Variants in DIP2A observed in about 807,000 individuals in gnomAD.
The protein encoded by DIP2A is disco-interacting protein 2 homolog A.
A neutral mutation model predicts 177.4 loss-of-function variants in DIP2A; 85 were observed. The observed-to-expected ratio is 0.48, with a 90% CI of 0.40 to 0.57. The LOEUF is 0.57. DIP2A is among the 20% of genes least tolerant of loss of function. The pLI is 0.00. For missense variants in DIP2A, 1,791 were observed against 2,100.2 expected, an observed-to-expected ratio of 0.85 and a Z score of 2.88; for synonymous variants, 886 against 881.8, an observed-to-expected ratio of 1.00 and a Z score of -0.08.
Position 46,549,453 on chromosome 21 carries a change from TAG to T in DIP2A, c.2523-316_2523-315del, listed in dbSNP as rs1601802679. On this transcript the variant is annotated intron_variant, in intron 21 of 37. Coordinates refer to ENST00000417564, the MANE Select transcript of DIP2A (RefSeq NM_015151.4). Reference sequence around the variant, plus strand: ...TGTTGGATTAAAAAAATATAATAAATAGAACTTTTAGACAAAGATTTGTGCAG... The same window carrying T: ...TGTTGGATTAAAAAAATATAATAAATAACTTTTAGACAAAGATTTGTGCAG... Among the ~76,000 whole-genome samples the T allele has an allele frequency of 5.3e-5, 8 of 152,312 alleles. No homozygotes were observed. The South Asian group carries it at 1.4e-3, about 28-fold the overall frequency.
rs34920477 is a variant in DIP2A at position 46,558,408 on chromosome 21, G to GC, written c.3969+16dup. The GC allele has an allele frequency of 1, 1,571,179 of 1,571,276 alleles. 785,541 individuals carry two copies. The highest frequency in any genetic ancestry group is 1 in the African/African-American group (74,160 of 74,160). Reference sequence around the variant, plus strand: ...TCTGCCTCCAGGTGAGGTGCCTGGGGCTGCGGTTCTCGAAAGCTGGCTGTT... The same window carrying GC: ...TCTGCCTCCAGGTGAGGTGCCTGGGGCCTGCGGTTCTCGAAAGCTGGCTGTT... On this transcript the variant is annotated intron_variant, in intron 32 of 37. Transcript: ENST00000417564.
intron 18 of DIP2A, among the ~76,000 whole-genome samples, 154 bp from the exon 19 acceptor site, chr21:46,544,983 A>G (rs747244920): frequency 2.0e-5 from 3 of 152,232 alleles, no homozygotes; most frequent in Non-Finnish European, 2.9e-5. Flanking sequence ...GCTAGGTAGC[A>G]TGTGTATCAT....
In DIP2A at chr21:46,497,075, T is replaced by C. The variant is rs373442777; in HGVS notation, c.371T>C (p.Val124Ala). Reference protein sequence around the residue: ...PMPSKRRSVLVHSSVETYTPP... With the variant: ...PMPSKRRSVLAHSSVETYTPP... The stretch of plus-strand genomic sequence containing the variant: ...CCTTCGAAGAGACGTTCTGTCCTTG[T>C]GCATTCGTCTGTGGAAACCTACACC... The change falls in exon 4 of 38, where the codon GTG (valine) becomes GCG (alanine). Residue 124 changes from valine to alanine, a missense_variant. Val to Ala is a moderately conservative substitution (Grantham distance 64, BLOSUM62 0). Coordinates refer to ENST00000417564, the MANE Select transcript of DIP2A (RefSeq NM_015151.4). 6.2e-6 allele frequency: 10 copies of C among 1,613,858 alleles called. No individual in the cohort carries two copies. The African/African-American group carries it at 1.1e-4, about 17-fold the overall frequency.
rs2060935823 is a variant in DIP2A at position 46,569,961 on chromosome 21, T to A, written c.*2339T>A. The A allele has an allele frequency of 6.6e-6, 1 of 152,224 alleles. No homozygotes were observed. The highest frequency in any genetic ancestry group is 6.5e-5 in the Admixed American group (1 of 15,282). 9.4% of individuals were successfully genotyped at this position (152,224 alleles called of 1,614,324 possible). On this transcript the variant is annotated 3_prime_UTR_variant, in exon 38 of 38. Transcript: ENST00000417564. ...AATTTTTTACAAAATTAGGATCAAG[T>A]GCTTTTTTAAATAATTTGCTTTTGT... is the stretch of plus-strand genomic sequence containing the variant.
intron 28 of DIP2A, 69 bp from the exon 29 acceptor site, chr21:46,555,913 C>A: frequency 1.7e-6 from 2 of 1,203,760 alleles, no homozygotes; most frequent in Non-Finnish European, 2.5e-6. Flanking sequence ...CGCCTCTTGC[C>A]TGTGAAAGCC....
intron 16 of DIP2A, 45 bp from the exon 17 acceptor site, chr21:46,539,832 G>T: frequency 1.3e-6 from 2 of 1,489,322 alleles, no homozygotes; most frequent in South Asian, 2.3e-5. Flanking sequence ...TTCCCTGCTG[G>T]CCCCCCAGTT....
chr21:46,524,872 C>CTTTTTTTT lies in DIP2A; in HGVS notation c.1103-4195_1103-4188dup, dbSNP rs3061062. On this transcript the variant is annotated intron_variant, in intron 8 of 37. Coordinates refer to ENST00000417564, the MANE Select transcript of DIP2A (RefSeq NM_015151.4). ...TTTCTTTTATGATTTTTGCTTTTTG[C>CTTTTTTTT]TTTTTTTTTTTTTTTTTTTTTTTTT... Among the ~76,000 whole-genome samples, 181 of 63,380 alleles carry CTTTTTTTT rather than the reference C, an allele frequency of 2.9e-3. 12 individuals are homozygous for CTTTTTTTT. Among genetic ancestry groups the CTTTTTTTT allele is most frequent in the Non-Finnish European group, 3.4e-3 (121 of 35,376 alleles). 41.6% of individuals were successfully genotyped at this position (63,380 alleles called of 152,430 possible). A position where few individuals can be genotyped will look rare whatever the true frequency, so the allele number is the denominator to read the frequency against.
intron 31 of DIP2A, 133 bp from the exon 32 acceptor site, chr21:46,558,090 A>G: frequency 2.1e-6 from 2 of 943,462 alleles, no homozygotes; most frequent in Non-Finnish European, 3.1e-6. Context: ...TGGAACAGAC[A>G]CAGCCTGCGG....
chr21:46,489,701 C>T (rs527936008), intron 2 of DIP2A, among the ~76,000 whole-genome samples: 1 of 152,318 alleles, frequency 6.6e-6, no homozygotes, highest in African/African-American at 2.4e-5. Context: ...GCAATTCCTG[C>T]TGGCCAATTT....
At chr21:46,550,180 C>T in intron 22 of DIP2A, 1 of 795,506 alleles carries the variant, frequency 1.3e-6, no homozygotes, top group Non-Finnish European at 1.9e-6. Context: ...TTGAAATGTA[C>T]ATTATTATAT....
intron 1 of DIP2A, among the ~76,000 whole-genome samples, chr21:46,472,854 T>TCA (rs2055511854): frequency 6.6e-6 from 1 of 152,206 alleles, no homozygotes; most frequent in Non-Finnish European, 1.5e-5. Context: ...GGGGTGCTGG[T>TCA]ACCTGTTGCC....
intron 12 of DIP2A, among the ~76,000 whole-genome samples, 178 bp from the exon 13 acceptor site, chr21:46,534,407 A>T (rs2059477718): frequency 6.6e-6 from 1 of 151,996 alleles, no homozygotes; most frequent in African/African-American, 2.4e-5. Flanking sequence ...CACAACTTCC[A>T]CTGAAGCATC....
chr21:46,559,852 C>G (rs1341863045), intron 32 of DIP2A, among the ~76,000 whole-genome samples: 1 of 152,174 alleles, frequency 6.6e-6, no homozygotes, highest in Non-Finnish European at 1.5e-5. Context: ...GCTGGGAAAG[C>G]TGGCTGAGCA....
intron 1 of DIP2A, among the ~76,000 whole-genome samples, chr21:46,481,506 T>A (rs950961917): frequency 6.6e-6 from 1 of 152,218 alleles, no homozygotes; most frequent in African/African-American, 2.4e-5. Context: ...CTGGTGAGTG[T>A]TTGCTTTACT....
rs183528587 is a variant in DIP2A, at chr21:46,500,460, G to A, written c.655+1627G>A. Among the ~76,000 whole-genome samples, 250 of 152,302 alleles carry A rather than the reference G, an allele frequency of 1.6e-3. 2 individuals are homozygous for A. The highest frequency in any genetic ancestry group is 5.7e-3 in the African/African-American group (236 of 41,548). On this transcript the variant is annotated intron_variant, in intron 5 of 37. Coordinates refer to ENST00000417564, the MANE Select transcript of DIP2A (RefSeq NM_015151.4). ...CTGTTGTTTGCCTTCTCTGTTCATCGTTGGTGATTTAACTTTGTAGAAATA... is the reference window on the plus strand; with the variant it reads ...CTGTTGTTTGCCTTCTCTGTTCATCATTGGTGATTTAACTTTGTAGAAATA...
chr21:46,557,615 G>T lies in DIP2A; in HGVS notation c.3660G>T (p.Val1220=). The T allele has an allele frequency of 6.2e-7, 1 of 1,613,226 alleles. No homozygotes were observed. The highest frequency in any genetic ancestry group is 8.5e-7 in the Non-Finnish European group (1 of 1,179,746). The part of the protein sequence containing the change: ...SVYSGHQSVL[V]PPLELESNVS... ...ACTCGGGACACCAATCAGTGCTGGT[G>T]CCCCCGCTGGAGCTGGAGAGCAACG... Residue 1220 remains valine (V), a synonymous_variant, in exon 31 of 38, where the codon GTG becomes GTT. Coordinates refer to ENST00000417564, the MANE Select transcript of DIP2A (RefSeq NM_015151.4). The surrounding 1 kb of genome is among the most constrained non-coding windows in gnomAD (Gnocchi z 6.0).
chr21:46,474,798 A>G (rs1261208446), intron 1 of DIP2A, among the ~76,000 whole-genome samples: 2 of 152,164 alleles, frequency 1.3e-5, no homozygotes, highest in African/African-American at 4.8e-5. Flanking sequence ...TTCAGAATTG[A>G]AAAGGAATTC....
At position 46,547,058 on chromosome 21, in the gene DIP2A, C is replaced by G. The variant is rs759550064; in HGVS notation, c.2522+16C>G. 7.4e-6 allele frequency: 12 copies of G among 1,610,986 alleles called. No homozygotes were observed. The South Asian group carries it at 1.3e-4, about 18-fold the overall frequency. On this transcript the variant is annotated intron_variant, in intron 21 of 37. Transcript: ENST00000417564. ...ACAGAGGCAGGTGATGCGCTGCGGACCCCCACGCCGGGAGTAGATTCCTTC... is the reference window on the plus strand; with the variant it reads ...ACAGAGGCAGGTGATGCGCTGCGGAGCCCCACGCCGGGAGTAGATTCCTTC...
At chr21:46,529,450 A>G (rs1483748292) in intron 9 of DIP2A, among the ~76,000 whole-genome samples, 1 of 151,914 alleles carries the variant, frequency 6.6e-6, no homozygotes, top group East Asian at 1.9e-4. Flanking sequence ...AAATACAAAA[A>G]ATTAGCTGGG....
Sources: allele counts gnomAD v4.1 joint callset (sites outside exome capture counted in the v4.1 genomes callset), GRCh38; gene constraint gnomAD v4.1.1; non-coding constraint Gnocchi (gnomAD v3.1); transcripts MANE v1.5; gene names NCBI Gene and HGNC (gene_info 2026-07-23, HGNC 2026-07-21).